PECR: variants seen among roughly 807,000 people sequenced by gnomAD.
The protein encoded by PECR is peroxisomal trans-2-enoyl-CoA reductase, also known as 2,4-dienoyl-CoA reductase-related protein.
PECR carries 30 observed loss-of-function variants against 35.3 expected under a neutral mutation model. The observed-to-expected ratio is 0.85, with a 90% CI of 0.64 to 1.15. The LOEUF is 1.15. PECR is among the 50% of genes most tolerant of loss of function. The pLI is 0.00. For synonymous variants in PECR, 148 were observed against 138.9 expected (o/e 1.07, Z -0.46); for missense variants, 392 against 370.8 (o/e 1.06, Z -0.47).
At chr2:216,029,949 A>T (rs1694654861) in intron 7 of PECR, among the ~76,000 whole-genome samples, 1 of 152,176 alleles carries the variant, frequency 6.6e-6, no homozygotes, top group East Asian at 1.9e-4. Context: ...TGGTCGGTGC[A>T]CATGCTCATG....
chr2:216,071,633 T>C (rs1369404338), intron 1 of PECR, among the ~76,000 whole-genome samples: 1 of 152,196 alleles, frequency 6.6e-6, no homozygotes, highest in African/African-American at 2.4e-5. Flanking sequence ...ATTCTCCTGG[T>C]TCAAAAACCC....
rs775703085 is a variant in PECR, at chr2:216,039,264, G to C, written c.*11C>G. 8 of 1,504,292 alleles carry C rather than the reference G, an allele frequency of 5.3e-6. No homozygotes were observed. In the African/African-American group the frequency reaches 8.3e-5, roughly 16 times the overall value. 93.2% of individuals were successfully genotyped at this position (1,504,292 alleles called of 1,614,324 possible). On this transcript the variant is annotated 3_prime_UTR_variant, in exon 8 of 8. Coordinates refer to ENST00000265322, the MANE Select transcript of PECR (RefSeq NM_018441.6). Reference sequence around the variant, plus strand: ...GGCACTGGGGGATGGAGGACACCTTGTTTCCTCAGCTCAGAGCTTAGCTTT... The same window carrying C: ...GGCACTGGGGGATGGAGGACACCTTCTTTCCTCAGCTCAGAGCTTAGCTTT...
intron 6 of PECR, among the ~76,000 whole-genome samples, chr2:216,048,681 G>C (rs1480440737): frequency 6.6e-6 from 1 of 151,850 alleles, no homozygotes; most frequent in Non-Finnish European, 1.5e-5. Context: ...CTGCACTCCA[G>C]CCTGGGCAAC....
At chr2:216,065,249 T>A in intron 3 of PECR, 63 bp downstream of exon 3, 2 of 1,120,882 alleles carry the variant, frequency 1.8e-6, no homozygotes, top group Non-Finnish European at 2.7e-6. Context: ...TCTGAGTCCC[T>A]AATAGGAATC....
At position 216,081,636 on chromosome 2, in the gene PECR, T is replaced by C. The variant is rs1026853140; in HGVS notation, c.106A>G (p.Lys36Glu). Residue 36 changes from lysine to glutamate, a missense_variant, in exon 1 of 8, where the codon AAG (lysine) becomes GAG (glutamate). Lys to Glu is a moderately conservative substitution (Grantham distance 56). Coordinates refer to ENST00000265322, the MANE Select transcript of PECR (RefSeq NM_018441.6). ...CACGTACCCAGCTCCAGGAGCTCCT[T>C]CACGATGGCTTTTCCGATGCCCGTG... Reference protein sequence around the residue: ...GATGIGKAIVKELLELGSNVV... With the variant: ...GATGIGKAIVEELLELGSNVV... 6.2e-7 allele frequency: 1 copy of C among 1,613,714 alleles called. No individual in the cohort carries two copies. Among genetic ancestry groups the C allele is most frequent in the African/African-American group, 1.3e-5 (1 of 75,046 alleles).
intron 7 of PECR, among the ~76,000 whole-genome samples, chr2:216,040,120 G>A (rs1010231927): frequency 1.3e-5 from 2 of 151,718 alleles, no homozygotes; most frequent in Non-Finnish European, 2.9e-5. Context: ...AGGAAACAGG[G>A]GAAAAACTTG....
intron 1 of PECR, among the ~76,000 whole-genome samples, chr2:216,078,599 A>C (rs1050064962): frequency 6.6e-6 from 1 of 152,084 alleles, no homozygotes; most frequent in Non-Finnish European, 1.5e-5. Flanking sequence ...AAAAAAAAAA[A>C]AAAGAAAAAG....
At chr2:216,077,970 T>C (rs1695745738) in intron 1 of PECR, among the ~76,000 whole-genome samples, 2 of 151,686 alleles carry the variant, frequency 1.3e-5, no homozygotes, top group South Asian at 4.2e-4. Context: ...TATCTTTGGT[T>C]ACCATCTGGC....
At chr2:216,046,323 T>G (rs1407028542) in intron 6 of PECR, among the ~76,000 whole-genome samples, 49 of 140,220 alleles carry the variant, frequency 3.5e-4, no homozygotes, top group African/African-American at 1.2e-3. Context: ...TTTTTTTTTT[T>G]TTTTTTTGAG....
chr2:216,059,480 T>C (rs923110163), intron 3 of PECR, among the ~76,000 whole-genome samples: 2 of 152,256 alleles, frequency 1.3e-5, no homozygotes, highest in African/African-American at 2.4e-5. Flanking sequence ...CATGTTTTAT[T>C]TATCCACTTA....
At chr2:216,030,189 TG>T (rs1430737442) in intron 7 of PECR, among the ~76,000 whole-genome samples, 1 of 152,220 alleles carries the variant, frequency 6.6e-6, no homozygotes, top group Admixed American at 6.5e-5. Flanking sequence ...TTGGGGGTGA[TG>T]GGTACTATTA....
intron 4 of PECR, among the ~76,000 whole-genome samples, chr2:216,052,360 A>G (rs769200314): frequency 4.4e-4 from 67 of 152,242 alleles, no homozygotes; most frequent in Non-Finnish European, 6.5e-4. Flanking sequence ...TAAAAAACAG[A>G]TTATTTAGTA....
At chr2:216,040,094 C>T (rs1166087160) in intron 7 of PECR, among the ~76,000 whole-genome samples, 1 of 151,628 alleles carries the variant, frequency 6.6e-6, no homozygotes, top group African/African-American at 2.4e-5. Flanking sequence ...AGAGCCAACA[C>T]CATGGAGGCA....
downstream of PECR, chr2:216,034,245 A>C (rs1456253023): frequency 6.6e-6 from 1 of 152,262 alleles, no homozygotes; most frequent in Non-Finnish European, 1.5e-5. Flanking sequence ...ACAGTTGCAG[A>C]ATAGCCAAAT....
downstream of PECR, among the ~76,000 whole-genome samples, chr2:216,035,300 G>T (rs4674048): frequency 2.0e-5 from 3 of 151,848 alleles, no homozygotes; most frequent in Non-Finnish European, 4.4e-5. Flanking sequence ...TCCCTCAGGG[G>T]GTTTTGCATC....
At chr2:216,060,991 C>A (rs1228816529) in intron 3 of PECR, among the ~76,000 whole-genome samples, 1 of 151,402 alleles carries the variant, frequency 6.6e-6, no homozygotes, top group African/African-American at 2.4e-5. Context: ...CTGAATCGGG[C>A]AAGAATCAAA....
At chr2:216,031,851 T>C (rs548667236) in intron 7 of PECR, among the ~76,000 whole-genome samples, 1 of 152,322 alleles carries the variant, frequency 6.6e-6, no homozygotes, top group African/African-American at 2.4e-5. Flanking sequence ...TCGCAGCAAG[T>C]CTTACCTACC....
intron 1 of PECR, among the ~76,000 whole-genome samples, chr2:216,078,931 T>G (rs989122891): frequency 6.6e-6 from 1 of 152,232 alleles, no homozygotes; most frequent in Non-Finnish European, 1.5e-5. Context: ...TGCAACAGGA[T>G]GAAAGTTCAA....
At chr2:216,075,584 C>G (rs540673616) in intron 1 of PECR, among the ~76,000 whole-genome samples, 3 of 152,120 alleles carry the variant, frequency 2.0e-5, no homozygotes, top group Admixed American at 2.0e-4. Flanking sequence ...TTTCAATAGA[C>G]TTTATTTTTG....
Sources: allele counts gnomAD v4.1 joint callset (sites outside exome capture counted in the v4.1 genomes callset), GRCh38; gene constraint gnomAD v4.1.1; transcripts MANE v1.5; gene names NCBI Gene and HGNC (gene_info 2026-07-23, HGNC 2026-07-21).